The following ADAMTS17 variants were observed in gnomAD, a reference collection of about 807,000 sequenced individuals.
The protein encoded by ADAMTS17 is A disintegrin and metalloproteinase with thrombospondin motifs 17.
Under a neutral mutation model 141.5 loss-of-function variants are expected in ADAMTS17, and 113 were observed. That is an observed-to-expected ratio of 0.80 (90% confidence interval 0.69 to 0.93). The LOEUF (loss-of-function observed/expected upper bound fraction) is 0.93, where lower values mean the gene tolerates loss of function less well. ADAMTS17 is among the 40% of genes least tolerant of loss of function. The pLI, the probability that ADAMTS17 is intolerant of heterozygous loss-of-function variation, is 0.00. For missense variants in ADAMTS17, 1,659 were observed against 1,517.9 expected, an observed-to-expected ratio of 1.09 and a Z score of -1.54; for synonymous variants, 768 against 630.6, an observed-to-expected ratio of 1.22 and a Z score of -3.27.
intron 4 of ADAMTS17, among the ~76,000 whole-genome samples, chr15:100,273,807 T>C (rs1442736565): frequency 6.6e-6 from 1 of 152,194 alleles, no homozygotes; most frequent in Non-Finnish European, 1.5e-5. Flanking sequence ...TTTAAGTGTT[T>C]ACCGCTATAC....
chr15:100,184,860 G>A (rs993711731), intron 8 of ADAMTS17, among the ~76,000 whole-genome samples: 18 of 152,174 alleles, frequency 1.2e-4, no homozygotes, highest in African/African-American at 3.6e-4. Flanking sequence ...AGGTATGATA[G>A]GGTCCTGTCC....
chr15:100,063,899 T>C, intron 15 of ADAMTS17: 1 of 492,890 alleles, frequency 2.0e-6, no homozygotes. Context: ...AGAAGGAGGC[T>C]CTCCTAAGGC....
intron 4 of ADAMTS17, among the ~76,000 whole-genome samples, chr15:100,274,499 G>A (rs59677262): frequency 0.017 from 2,521 of 152,166 alleles, 33 homozygotes; most frequent in East Asian, 0.072. Context: ...CTCTCTTTTG[G>A]TTACAATTAG....
chr15:99,992,988 C>G, intron 20 of ADAMTS17, 60 bp downstream of exon 20: 1 of 1,608,068 alleles, frequency 6.2e-7, no homozygotes, highest in Non-Finnish European at 8.5e-7. Flanking sequence ...GAGCTGAGTT[C>G]CCGACCCTCG....
At chr15:100,006,888 A>G (rs2061046516) in intron 18 of ADAMTS17, among the ~76,000 whole-genome samples, 1 of 152,228 alleles carries the variant, frequency 6.6e-6, no homozygotes, top group South Asian at 2.1e-4. Context: ...AAGGGTGGCA[A>G]ACACCGCCCA....
In ADAMTS17 at chr15:100,010,530, T is replaced by A. The variant is rs143906464; in HGVS notation, c.2592-12941A>T. 8.7e-3 allele frequency among the ~76,000 whole-genome samples: 1,331 copies of A among 152,306 alleles called. 24 individuals carry two copies. Among genetic ancestry groups the A allele is most frequent in the African/African-American group, 0.031 (1,272 of 41,548 alleles). Reference sequence around the variant, plus strand: ...TGCTGCGAGCCTATGGGTGAGAGGCTGTGGCAGGAGCTGGCCAGCCAAGAG... The same window carrying A: ...TGCTGCGAGCCTATGGGTGAGAGGCAGTGGCAGGAGCTGGCCAGCCAAGAG... On this transcript the variant is annotated intron_variant, in intron 18 of 21. Coordinates refer to ENST00000268070, the MANE Select transcript of ADAMTS17 (RefSeq NM_139057.4).
chr15:100,075,473 C>A (rs2034303063), intron 15 of ADAMTS17, among the ~76,000 whole-genome samples: 1 of 152,186 alleles, frequency 6.6e-6, no homozygotes, highest in Non-Finnish European at 1.5e-5. Flanking sequence ...TGAGGTCATA[C>A]TTGCTTTCTC....
At chr15:99,995,085 G>A (rs2060773121) in intron 19 of ADAMTS17, among the ~76,000 whole-genome samples, 1 of 152,174 alleles carries the variant, frequency 6.6e-6, no homozygotes, top group African/African-American at 2.4e-5. Context: ...CAGGAGCAGG[G>A]GTAGGAGGCT....
At chr15:100,094,990 T>C (rs963205989) in intron 15 of ADAMTS17, among the ~76,000 whole-genome samples, 5 of 152,240 alleles carry the variant, frequency 3.3e-5, no homozygotes, top group African/African-American at 4.8e-5. Context: ...GCTGGCCGTG[T>C]GCAGCAACGG....
chr15:99,999,985 T>C (rs565049753), intron 18 of ADAMTS17, among the ~76,000 whole-genome samples: 1 of 152,256 alleles, frequency 6.6e-6, no homozygotes, highest in African/African-American at 2.4e-5. Flanking sequence ...CCTTCTTGGA[T>C]CCATGGCTCG....
intron 18 of ADAMTS17, among the ~76,000 whole-genome samples, chr15:100,027,134 T>C (rs2061530840): frequency 6.6e-6 from 1 of 152,202 alleles, no homozygotes; most frequent in Non-Finnish European, 1.5e-5. Flanking sequence ...GCACTTTGTC[T>C]CTCTTTCCTA....
chr15:100,017,110 G>C (rs1378967777), intron 18 of ADAMTS17, among the ~76,000 whole-genome samples: 1 of 152,246 alleles, frequency 6.6e-6, no homozygotes, highest in Non-Finnish European at 1.5e-5. Context: ...GGTTATGGCT[G>C]CCTCTGCTGA....
At chr15:100,209,128 A>G (rs2041697727) in intron 7 of ADAMTS17, among the ~76,000 whole-genome samples, 1 of 134,006 alleles carries the variant, frequency 7.5e-6, no homozygotes, top group Non-Finnish European at 1.6e-5. Context: ...AAAAAAAAAA[A>G]AAAAAGGAAG....
In ADAMTS17 at chr15:99,997,391, C is replaced by T; in HGVS notation, c.2790G>A (p.Trp930Ter). 2 of 1,613,778 alleles carry T rather than the reference C, an allele frequency of 1.2e-6. No individual in the cohort carries two copies. The highest frequency in any genetic ancestry group is 1.7e-6 in the Non-Finnish European group (2 of 1,180,008). Reference protein sequence around the residue: ...DCLSIWEASEWSQCSASCGKG... With the variant: ...DCLSIWEASE ...GGCAAGCCCAGGCACCCACCTGTGACCACTCAGACGCCTCCCAGATGGACA... is the reference window on the plus strand; with the variant it reads ...GGCAAGCCCAGGCACCCACCTGTGATCACTCAGACGCCTCCCAGATGGACA... Residue 930 changes from tryptophan (W) to a stop codon, truncating the protein, a stop_gained, in exon 19 of 22, where the codon TGG becomes TGA. Transcript: ENST00000268070. LOFTEE classifies it high-confidence loss of function. The surrounding 1 kb of genome is among the most constrained non-coding windows in gnomAD (Gnocchi z 4.7).
At chr15:100,328,370 G>A (rs984962132) in intron 3 of ADAMTS17, among the ~76,000 whole-genome samples, 1 of 152,144 alleles carries the variant, frequency 6.6e-6, no homozygotes, top group Non-Finnish European at 1.5e-5. Context: ...CACATTTACT[G>A]AATATTTCAT....
intron 8 of ADAMTS17, among the ~76,000 whole-genome samples, chr15:100,198,118 C>T (rs887466091): frequency 2.0e-5 from 3 of 152,128 alleles, no homozygotes; most frequent in African/African-American, 7.2e-5. Flanking sequence ...CACGTATATA[C>T]CTATGTAACA....
intron 10 of ADAMTS17, among the ~76,000 whole-genome samples, chr15:100,135,964 T>C (rs931620019): frequency 6.6e-6 from 1 of 152,180 alleles, no homozygotes; most frequent in Non-Finnish European, 1.5e-5. Flanking sequence ...ATGGGTCCTT[T>C]TGGATGCTGA....
At chr15:100,090,167 T>A (rs1317936930) in intron 15 of ADAMTS17, among the ~76,000 whole-genome samples, 2 of 151,690 alleles carry the variant, frequency 1.3e-5, no homozygotes, top group Admixed American at 6.6e-5. Flanking sequence ...TTCTGGGGAG[T>A]TTCAACTGTG....
Position 100,155,225 on chromosome 15 carries a change from A to G in ADAMTS17, c.1277T>C (p.Leu426Pro), listed in dbSNP as rs749152713. The G allele has an allele frequency of 6.2e-7, 1 of 1,614,208 alleles. No individual in the cohort carries two copies. Among genetic ancestry groups the G allele is most frequent in the Non-Finnish European group, 8.5e-7 (1 of 1,180,040 alleles). ...EWVKGRNPSD[L>P]SWSSCSRDDL... ...ATCTCGGCTGCAGGAGGACCAAGAG[A>G]GGTCACTTGGGTTCCGGCCTTTCAC... Residue 426 changes from leucine (L) to proline (P), a missense_variant, in exon 9 of 22, where the codon CTC (leucine) becomes CCC (proline). Coordinates refer to ENST00000268070, the MANE Select transcript of ADAMTS17 (RefSeq NM_139057.4).
Sources: gnomAD v4.1 joint callset for allele counts (sites outside exome capture counted in the v4.1 genomes callset) on GRCh38, gnomAD v4.1.1 for gene constraint, Gnocchi (gnomAD v3.1) non-coding constraint, MANE v1.5 for transcripts, NCBI Gene and HGNC (gene_info 2026-07-23, HGNC 2026-07-21) for gene names.